MREG: variants seen among roughly 807,000 people sequenced by gnomAD.
MREG encodes melanoregulin.
MREG carries 31 observed loss-of-function variants against 28.5 expected under a neutral mutation model. The observed-to-expected ratio is 1.09, with a 90% confidence interval of 0.82 to 1.47. The LOEUF is 1.47. Among genes scored for constraint, MREG ranks in the 40% most tolerant of loss-of-function variants. MREG has a pLI of 0.00. For missense variants in MREG, 256 were observed against 257.4 expected, an observed-to-expected ratio of 0.99 and a Z score of 0.04; for synonymous variants, 106 against 95.2, an observed-to-expected ratio of 1.11 and a Z score of -0.66.
In MREG at chr2:215,995,816, T is replaced by A. The variant is rs953180794; in HGVS notation, c.255+490A>T. ...AGGGTTCAAGGCTTATCACAAGAAG[T>A]ATCTCAAATAAATAGTGGATCCACT... On this transcript the variant is annotated intron_variant, in intron 2 of 4. Transcript: ENST00000263268. Among the ~76,000 whole-genome samples, 9 of 152,198 alleles carry A rather than the reference T, an allele frequency of 5.9e-5. No individual in the cohort carries two copies. The East Asian group carries it at 1.5e-3, about 26-fold the overall frequency.
chr2:215,965,135 G>C (rs544707213), intron 2 of MREG, among the ~76,000 whole-genome samples: 8 of 152,176 alleles, frequency 5.3e-5, no homozygotes, highest in Non-Finnish European at 8.8e-5. Context: ...GTCTAGGTCT[G>C]AGTATGACTA....
intron 2 of MREG, among the ~76,000 whole-genome samples, chr2:215,981,090 ATAAAT>A (rs1224357729): frequency 1.3e-5 from 2 of 152,238 alleles, no homozygotes; most frequent in Non-Finnish European, 2.9e-5. Flanking sequence ...AATAACTTAA[ATAAAT>A]TAAATAATTA....
chr2:215,968,067 C>A (rs1036015696), intron 2 of MREG, among the ~76,000 whole-genome samples: 1 of 152,134 alleles, frequency 6.6e-6, no homozygotes, highest in Admixed American at 6.5e-5. Flanking sequence ...AGCACATCAG[C>A]CTTTAAATAT....
At chr2:216,001,154 C>T (rs1343441641) in intron 1 of MREG, among the ~76,000 whole-genome samples, 4 of 152,166 alleles carry the variant, frequency 2.6e-5, no homozygotes, top group African/African-American at 9.7e-5. Context: ...TCCATCCACA[C>T]ACATACATGC....
intron 2 of MREG, among the ~76,000 whole-genome samples, chr2:215,994,118 T>C (rs1042128604): frequency 6.6e-6 from 1 of 151,988 alleles, no homozygotes; most frequent in Non-Finnish European, 1.5e-5. Flanking sequence ...CACATGTATG[T>C]TTATCGCAAC....
At chr2:216,006,459 TA>T (rs1046351090) in intron 1 of MREG, among the ~76,000 whole-genome samples, 2 of 152,218 alleles carry the variant, frequency 1.3e-5, no homozygotes, top group African/African-American at 4.8e-5. Flanking sequence ...TTTCCTTCAG[TA>T]AAAACCCTTT....
intron 2 of MREG, among the ~76,000 whole-genome samples, chr2:215,969,386 T>G (rs537737159): frequency 1.1e-4 from 16 of 152,300 alleles, no homozygotes; most frequent in African/African-American, 3.8e-4. Context: ...TTATTTTAAG[T>G]GTGTCAAGAA....
At chr2:215,945,805 G>A (rs904811751) in intron 3 of MREG, 71 bp from the exon 4 acceptor site, 2 of 1,364,784 alleles carry the variant, frequency 1.5e-6, no homozygotes, top group South Asian at 2.7e-5. Context: ...TACGGTCCCT[G>A]CAGGAGATTA....
rs1693201858 is a variant in MREG at position 215,974,844 on chromosome 2, AC to A, written c.255+21461del. 4.8e-5 allele frequency among the ~76,000 whole-genome samples: 7 copies of A among 147,212 alleles called. No individual in the cohort carries two copies. The Admixed American group carries it at 4.8e-4, about 10-fold the overall frequency. On this transcript the variant is annotated intron_variant, in intron 2 of 4. Transcript: ENST00000263268. ...CACACAGACACACACACACACACAC[AC>A]ACACACACTCTCTCTCTCTCTCTCT...
chr2:215,997,908 G>C (rs1574640952), intron 1 of MREG, among the ~76,000 whole-genome samples: 1 of 152,218 alleles, frequency 6.6e-6, no homozygotes, highest in Non-Finnish European at 1.5e-5. Flanking sequence ...CAGAGTGCCA[G>C]TCCCCAGATT....
chr2:215,960,237 A>G (rs1024847624), intron 2 of MREG, among the ~76,000 whole-genome samples: 17 of 152,196 alleles, frequency 1.1e-4, no homozygotes, highest in African/African-American at 2.4e-4. Flanking sequence ...TTACAGGCGT[A>G]AGCCACCGTG....
intron 1 of MREG, among the ~76,000 whole-genome samples, chr2:216,006,362 G>A (rs1370222239): frequency 6.6e-6 from 1 of 152,336 alleles, no homozygotes; most frequent in African/African-American, 2.4e-5. Flanking sequence ...CAGCACTCAT[G>A]CACCTCTGGC....
upstream of MREG, among the ~76,000 whole-genome samples, chr2:216,014,863 T>G (rs1694407633): frequency 6.6e-6 from 1 of 152,206 alleles, no homozygotes; most frequent in Non-Finnish European, 1.5e-5. Flanking sequence ...ATCTAAAGTT[T>G]TGTCTTTTCC....
At chr2:215,992,977 T>G (rs945757325) in intron 2 of MREG, among the ~76,000 whole-genome samples, 6 of 152,106 alleles carry the variant, frequency 3.9e-5, no homozygotes, top group Admixed American at 3.9e-4. Context: ...ATCATGAAAA[T>G]GGCCATACTG....
chr2:216,016,757 G>T (rs901507234), upstream of MREG, among the ~76,000 whole-genome samples: 1 of 152,122 alleles, frequency 6.6e-6, no homozygotes, highest in African/African-American at 2.4e-5. Context: ...TATGACATTT[G>T]TACCTCTGCA....
intron 2 of MREG, among the ~76,000 whole-genome samples, chr2:215,974,534 T>C (rs1349595231): frequency 1.3e-5 from 2 of 152,136 alleles, no homozygotes; most frequent in Non-Finnish European, 2.9e-5. Context: ...AGAGCCATTT[T>C]TACTGTAAGA....
upstream of MREG, among the ~76,000 whole-genome samples, chr2:216,033,467 G>C (rs905631807): frequency 2.0e-5 from 3 of 152,062 alleles, no homozygotes; most frequent in Non-Finnish European, 4.4e-5. Flanking sequence ...CATGGAAAGA[G>C]AGAATCCAAC....
At chr2:215,992,965 A>G (rs530396731) in intron 2 of MREG, among the ~76,000 whole-genome samples, 4 of 152,362 alleles carry the variant, frequency 2.6e-5, no homozygotes, top group South Asian at 2.1e-4. Flanking sequence ...GGAAAAATCA[A>G]TATCATGAAA....
upstream of MREG, among the ~76,000 whole-genome samples, chr2:216,017,996 C>CAA (rs35615805): frequency 4.9e-3 from 624 of 127,380 alleles, 5 homozygotes; most frequent in Non-Finnish European, 6.5e-3. Context: ...ACTAAAAATA[C>CAA]AAAAAAAAAA....
Sources: gnomAD v4.1 joint callset for allele counts (sites outside exome capture counted in the v4.1 genomes callset) on GRCh38, gnomAD v4.1.1 for gene constraint, MANE v1.5 for transcripts, NCBI Gene and HGNC (gene_info 2026-07-23, HGNC 2026-07-21) for gene names.